GDE1: variants seen among roughly 807,000 people sequenced by gnomAD.
GDE1 encodes the protein glycerophosphodiester phosphodiesterase 1, also known as RGS16-interacting membrane protein.
Under a neutral mutation model 32.2 loss-of-function variants are expected in GDE1, and 24 were observed. The observed-to-expected ratio is 0.75, with a 90% CI of 0.54 to 1.05. The LOEUF is 1.05. Among genes scored for constraint, GDE1 ranks in the 50% least tolerant of loss-of-function variants. The pLI, the probability that GDE1 is intolerant of heterozygous loss-of-function variation, is 0.00. For missense variants in GDE1, 380 were observed against 415.0 expected (o/e 0.92, Z 0.73); for synonymous variants, 159 against 158.6 (o/e 1.00, Z -0.02).
chr16:19,504,549 G>A (rs994509562), intron 5 of GDE1: 16 of 215,950 alleles, frequency 7.4e-5, no homozygotes, highest in Non-Finnish European at 1.3e-4. Context: ...CCCACAGGAT[G>A]TCTTCACTGT....
intron 4 of GDE1, among the ~76,000 whole-genome samples, chr16:19,505,775 G>A (rs1412808519): frequency 6.6e-6 from 1 of 152,158 alleles, no homozygotes; most frequent in African/African-American, 2.4e-5. Context: ...TCTATTGATA[G>A]GCTCTATCCT....
rs572812830 is a variant in GDE1 at position 19,518,002 on chromosome 16, C to G, written c.262-813G>C. Among the ~76,000 whole-genome samples, 264 of 152,146 alleles carry G rather than the reference C, an allele frequency of 1.7e-3. 1 individual carries two copies. The highest frequency in any genetic ancestry group is 6.2e-3 in the African/African-American group (256 of 41,514). ...TCCTGGGTTCAAGCCATCCTCCCAC[C>G]TCAGTCTCCCAAGTAGCCGGGACTA... On this transcript the variant is annotated intron_variant, in intron 1 of 5. Coordinates refer to ENST00000353258, the MANE Select transcript of GDE1 (RefSeq NM_016641.4).
chr16:19,512,013 G>A (rs2151447310), intron 2 of GDE1, among the ~76,000 whole-genome samples: 1 of 152,252 alleles, frequency 6.6e-6, no homozygotes, highest in African/African-American at 2.4e-5. Context: ...ATTGTGAATA[G>A]TGTTGCAATA....
At chr16:19,509,081 C>G (rs1969284596) in intron 3 of GDE1, among the ~76,000 whole-genome samples, 1 of 152,204 alleles carries the variant, frequency 6.6e-6, no homozygotes, top group Admixed American at 6.5e-5. Context: ...GTGGGCGGAT[C>G]ACTCGAGGCC....
At chr16:19,504,571 G>A (rs1343062624) in intron 5 of GDE1, 1 of 269,324 alleles carries the variant, frequency 3.7e-6, no homozygotes, top group South Asian at 4.7e-5. Flanking sequence ...GTTCTGCCCA[G>A]GATCCTGTGT....
intron 1 of GDE1, among the ~76,000 whole-genome samples, chr16:19,518,623 A>ATG: frequency 6.6e-6 from 1 of 152,146 alleles, no homozygotes; most frequent in Non-Finnish European, 1.5e-5. Context: ...TTACCATCTT[A>ATG]AAGTTGGTGT....
Position 19,502,550 on chromosome 16 carries a change from A to C in GDE1, c.*920T>G, listed in dbSNP as rs1969190628. The C allele has an allele frequency of 6.6e-6, 1 of 151,726 alleles. No homozygotes were observed. The highest frequency in any genetic ancestry group is 2.4e-5 in the African/African-American group (1 of 41,324). The allele number at this position is 151,726 out of a possible 1,614,324, so 9.4% of individuals were successfully genotyped here. On this transcript the variant is annotated 3_prime_UTR_variant, in exon 6 of 6. Coordinates refer to ENST00000353258, the MANE Select transcript of GDE1 (RefSeq NM_016641.4). ...ATACAGGCATGCACCACCATGCCTA[A>C]TTTTTTAGAGATGGGGTCTTGCTAT...
intron 3 of GDE1, among the ~76,000 whole-genome samples, chr16:19,508,340 T>C (rs1455546079): frequency 6.6e-6 from 1 of 152,196 alleles, no homozygotes; most frequent in East Asian, 1.9e-4. Flanking sequence ...AGTTTCTTTT[T>C]ATAGTAGTCT....
At position 19,522,092 on chromosome 16, in the gene GDE1, G is replaced by T. The variant is rs1205713081; in HGVS notation, c.-128C>A. 2.1e-6 allele frequency: 2 copies of T among 943,158 alleles called. No individual in the cohort carries two copies. The highest frequency in any genetic ancestry group is 1.7e-5 in the African/African-American group (1 of 60,486). The allele number at this position is 943,158 out of a possible 1,614,324, so 58.4% of individuals were successfully genotyped here. A position where few individuals can be genotyped will look rare whatever the true frequency, so the allele number is the denominator to read the frequency against. Reference sequence around the variant, plus strand: ...GGAACCCTCTGAGGGGACCAGCGCCGCACAATGGCGGCAGCAGACACATCC... The same window carrying T: ...GGAACCCTCTGAGGGGACCAGCGCCTCACAATGGCGGCAGCAGACACATCC... On this transcript the variant is annotated 5_prime_UTR_variant, in exon 1 of 6. Transcript: ENST00000353258.
chr16:19,506,663 C>T (rs142967366), intron 4 of GDE1, among the ~76,000 whole-genome samples: 48 of 152,162 alleles, frequency 3.2e-4, no homozygotes, highest in South Asian at 1.2e-3. Flanking sequence ...AAAAGATTTA[C>T]GATTGTAACA....
rs1969202469 is a variant in GDE1, at chr16:19,503,352, A to G, written c.*118T>C. The stretch of plus-strand genomic sequence containing the variant: ...TCAGGTAAAAATGCAGTGACCAACT[A>G]TTGCATTTGTGTGAGTCACCTGATT... On this transcript the variant is annotated 3_prime_UTR_variant, in exon 6 of 6. Transcript: ENST00000353258. The G allele has an allele frequency of 2.3e-6, 2 of 868,068 alleles. No homozygotes were observed. Among genetic ancestry groups the G allele is most frequent in the Admixed American group, 4.8e-5 (2 of 41,406 alleles). 53.8% of individuals were successfully genotyped at this position (868,068 alleles called of 1,614,324 possible).
At chr16:19,511,486 T>C (rs1277326774) in intron 2 of GDE1, among the ~76,000 whole-genome samples, 2 of 152,232 alleles carry the variant, frequency 1.3e-5, no homozygotes, top group Non-Finnish European at 2.9e-5. Context: ...TTTTGTGATA[T>C]GCGCATAATG....
At chr16:19,505,813 T>C (rs1969239353) in intron 4 of GDE1, among the ~76,000 whole-genome samples, 2 of 152,240 alleles carry the variant, frequency 1.3e-5, no homozygotes, top group African/African-American at 4.8e-5. Flanking sequence ...ATGTATGCTC[T>C]GTTGGTCACT....
rs1273970843 is a variant in GDE1 at position 19,503,204 on chromosome 16, G to A, written c.*266C>T. ...GCTTATCCTCACTGGGTCTCCCTGT[G>A]TGCCTCAGCTAGGGCAGGGCAGGGG... On this transcript the variant is annotated 3_prime_UTR_variant, in exon 6 of 6. Transcript: ENST00000353258. 2 of 458,220 alleles carry A rather than the reference G, an allele frequency of 4.4e-6. No individual in the cohort carries two copies. Among genetic ancestry groups the A allele is most frequent in the Non-Finnish European group, 7.9e-6 (2 of 252,840 alleles). 28.4% of individuals were successfully genotyped at this position (458,220 alleles called of 1,614,324 possible). A position where few individuals can be genotyped will look rare whatever the true frequency, so the allele number is the denominator to read the frequency against.
At chr16:19,508,794 T>G (rs1969280642) in intron 3 of GDE1, among the ~76,000 whole-genome samples, 2 of 152,272 alleles carry the variant, frequency 1.3e-5, no homozygotes, top group South Asian at 4.1e-4. Flanking sequence ...TAGTAAGAGC[T>G]CAGTCAAGGA....
chr16:19,517,270 G>T, intron 1 of GDE1, 81 bp from the exon 2 acceptor site: 1 of 1,077,308 alleles, frequency 9.3e-7, no homozygotes, highest in Non-Finnish European at 1.4e-6. Context: ...GACCAGCAGG[G>T]CTCCTAAGAC....
intron 2 of GDE1, among the ~76,000 whole-genome samples, chr16:19,515,235 T>A (rs541580978): frequency 1.2e-4 from 19 of 152,288 alleles, no homozygotes; most frequent in African/African-American, 4.6e-4. Context: ...AAGCATCTCA[T>A]CACACTGAGC....
rs1375386697 is a variant in GDE1 at position 19,502,242 on chromosome 16, G to T, written c.*1228C>A. 3.9e-5 allele frequency: 6 copies of T among 152,048 alleles called. No individual in the cohort carries two copies. The highest frequency in any genetic ancestry group is 8.8e-5 in the Non-Finnish European group (6 of 68,018). The allele number at this position is 152,048 out of a possible 1,614,324, so 9.4% of individuals were successfully genotyped here. A position where few individuals can be genotyped will look rare whatever the true frequency, so the allele number is the denominator to read the frequency against. On this transcript the variant is annotated 3_prime_UTR_variant, in exon 6 of 6. Coordinates refer to ENST00000353258, the MANE Select transcript of GDE1 (RefSeq NM_016641.4). ...GTAAGTGGTTTTATGAAGTACCTCA[G>T]TTCTTCATCAGTAGAAAGAGTGCTA...
At chr16:19,513,204 G>A (rs1969340914) in intron 2 of GDE1, among the ~76,000 whole-genome samples, 3 of 152,004 alleles carry the variant, frequency 2.0e-5, no homozygotes, top group Admixed American at 1.3e-4. Context: ...GAGTAGAATG[G>A]TCACTTTAGG....
Sources: gnomAD v4.1 joint callset for allele counts (sites outside exome capture counted in the v4.1 genomes callset) on GRCh38, gnomAD v4.1.1 for gene constraint, MANE v1.5 for transcripts, NCBI Gene and HGNC (gene_info 2026-07-23, HGNC 2026-07-21) for gene names.